The following TASP1 variants were observed in gnomAD, a reference collection of about 807,000 sequenced individuals.
TASP1 encodes the protein taspase 1.
In TASP1, 16 loss-of-function variants were observed where a neutral mutation model predicts 56.6. That is an observed-to-expected ratio of 0.28 (90% confidence interval 0.19 to 0.43). The LOEUF (loss-of-function observed/expected upper bound fraction) is 0.43. Among genes scored for constraint, TASP1 ranks in the 20% least tolerant of loss-of-function variants. The pLI is 1.00. For missense variants in TASP1, 393 were observed against 511.6 expected (o/e 0.77, Z 2.24); for synonymous variants, 179 against 184.2 (o/e 0.97, Z 0.23).
chr20:13,514,647 T>G (rs998343249), intron 10 of TASP1, among the ~76,000 whole-genome samples: 1 of 152,194 alleles, frequency 6.6e-6, no homozygotes, highest in African/African-American at 2.4e-5. Flanking sequence ...GAATTTTAGT[T>G]GAAGTCTCTA....
At chr20:13,248,899 A>G in the TASP1 span, among the ~76,000 whole-genome samples, 3 of 152,248 alleles carry the variant, frequency 2.0e-5, no homozygotes, top group African/African-American at 7.2e-5. Context: ...AGGTGAAAGT[A>G]TATGATGTAA....
the TASP1 span, among the ~76,000 whole-genome samples, chr20:13,221,217 C>T: frequency 1.0e-5 from 1 of 97,290 alleles, no homozygotes; most frequent in Non-Finnish European, 2.1e-5. Context: ...TGAAGCCCTC[C>T]TACTCCTCCT....
chr20:13,150,467 C>T, the TASP1 span, among the ~76,000 whole-genome samples: 1 of 152,144 alleles, frequency 6.6e-6, no homozygotes, highest in Non-Finnish European at 1.5e-5. Context: ...AACTAAGAAA[C>T]CATACTTGGA....
intron 12 of TASP1, among the ~76,000 whole-genome samples, chr20:13,425,476 T>C (rs971714518): frequency 2.0e-5 from 3 of 152,160 alleles, no homozygotes; most frequent in African/African-American, 7.2e-5. Context: ...TGTCCTCCAA[T>C]TGTTGTTAAC....
chr20:13,382,033 G>T, the TASP1 span, among the ~76,000 whole-genome samples: 4 of 152,184 alleles, frequency 2.6e-5, no homozygotes, highest in African/African-American at 9.6e-5. Flanking sequence ...GAGAAATGCC[G>T]GCAGCCTGCT....
At position 13,425,460 on chromosome 20, in the gene TASP1, A is replaced by G. The variant is rs530712522; in HGVS notation, c.1097-7939T>C. On this transcript the variant is annotated intron_variant, in intron 12 of 13. Transcript: ENST00000337743. Reference sequence around the variant, plus strand: ...TCCTCCTCTTTAAAAATATATATACATATATTGTCCTCCAATTGTTGTTAA... The same window carrying G: ...TCCTCCTCTTTAAAAATATATATACGTATATTGTCCTCCAATTGTTGTTAA... Among the ~76,000 whole-genome samples the G allele has an allele frequency of 9.9e-5, 15 of 152,258 alleles. No individual in the cohort carries two copies. The East Asian group carries it at 2.7e-3, about 27-fold the overall frequency.
the TASP1 span, among the ~76,000 whole-genome samples, chr20:13,204,552 T>TA: frequency 1.3e-5 from 2 of 151,380 alleles, no homozygotes; most frequent in African/African-American, 2.4e-5. Flanking sequence ...TATATGTATA[T>TA]TTTTTGAGAC....
chr20:13,343,260 C>T, the TASP1 span, among the ~76,000 whole-genome samples: 2 of 152,326 alleles, frequency 1.3e-5, no homozygotes, highest in Middle Eastern at 3.4e-3. Flanking sequence ...AGGCCAGAAA[C>T]CTCAGCCAGG....
chr20:13,346,311 G>C, the TASP1 span, among the ~76,000 whole-genome samples: 1 of 152,148 alleles, frequency 6.6e-6, no homozygotes, highest in African/African-American at 2.4e-5. Flanking sequence ...GGGTCCTGAG[G>C]CTGGAGATAA....
At chr20:13,162,776 A>G in the TASP1 span, among the ~76,000 whole-genome samples, 1 of 152,102 alleles carries the variant, frequency 6.6e-6, no homozygotes, top group African/African-American at 2.4e-5. Flanking sequence ...CCACTTCTTA[A>G]CAGCATCCAA....
At chr20:13,596,060 G>A (rs955167849) in intron 4 of TASP1, among the ~76,000 whole-genome samples, 1 of 152,128 alleles carries the variant, frequency 6.6e-6, no homozygotes, top group Admixed American at 6.5e-5. Context: ...TTAGAACTCA[G>A]GATTAAGAAA....
the TASP1 span, among the ~76,000 whole-genome samples, chr20:13,181,696 G>T: frequency 6.6e-6 from 1 of 152,172 alleles, no homozygotes; most frequent in African/African-American, 2.4e-5. Context: ...TGCAAGATCA[G>T]AGGTCAAGTA....
chr20:13,618,375 T>C lies in TASP1; in HGVS notation c.282+5071A>G, dbSNP rs144953382. 3.9e-3 allele frequency among the ~76,000 whole-genome samples: 591 copies of C among 152,134 alleles called. 3 individuals are homozygous for C. Among genetic ancestry groups the C allele is most frequent in the East Asian group, 0.012 (61 of 5,168 alleles). On this transcript the variant is annotated intron_variant, in intron 4 of 13. Transcript: ENST00000337743. ...TTGCAGTGAGCCAAGATCATACCAC[T>C]GCACTCCAGCCTAGGCGACAGAGCA...
intron 7 of TASP1, among the ~76,000 whole-genome samples, chr20:13,561,253 A>T (rs1259316324): frequency 6.6e-6 from 1 of 152,184 alleles, no homozygotes; most frequent in Non-Finnish European, 1.5e-5. Flanking sequence ...CAGAACTCAA[A>T]CCTGTAAATA....
At chr20:13,366,176 C>T in the TASP1 span, among the ~76,000 whole-genome samples, 1 of 152,100 alleles carries the variant, frequency 6.6e-6, no homozygotes, top group Non-Finnish European at 1.5e-5. Flanking sequence ...GTAGAGATGT[C>T]AAGTAGGTAA....
At chr20:13,149,887 C>T in the TASP1 span, among the ~76,000 whole-genome samples, 2 of 152,158 alleles carry the variant, frequency 1.3e-5, no homozygotes, top group African/African-American at 2.4e-5. Context: ...AAGATAATGC[C>T]GTTGGGAAAA....
At chr20:13,410,708 T>C (rs2042067666) in intron 13 of TASP1, among the ~76,000 whole-genome samples, 1 of 152,190 alleles carries the variant, frequency 6.6e-6, no homozygotes, top group African/African-American at 2.4e-5. Flanking sequence ...TTTGAGTTCT[T>C]GTATATTCTG....
At chr20:13,306,914 C>T in the TASP1 span, among the ~76,000 whole-genome samples, 1 of 152,292 alleles carries the variant, frequency 6.6e-6, no homozygotes, top group African/African-American at 2.4e-5. Flanking sequence ...TCAGGATCCT[C>T]ACCTGGGGAT....
At chr20:13,464,860 T>C (rs906274079) in intron 11 of TASP1, among the ~76,000 whole-genome samples, 2 of 151,962 alleles carry the variant, frequency 1.3e-5, no homozygotes, top group Non-Finnish European at 2.9e-5. Context: ...CCTACAGAAC[T>C]GTACACTTAT....
Sources: allele counts gnomAD v4.1 joint callset (sites outside exome capture counted in the v4.1 genomes callset), GRCh38; gene constraint gnomAD v4.1.1; transcripts MANE v1.5; gene names NCBI Gene and HGNC (gene_info 2026-07-23, HGNC 2026-07-21).